Variants in RALGAPA2 observed in about 807,000 individuals in gnomAD.
RALGAPA2 encodes ral GTPase-activating protein subunit alpha-2.
In RALGAPA2, 139 loss-of-function variants were observed where a neutral mutation model predicts 230.4. The observed-to-expected ratio is 0.60, with a 90% confidence interval of 0.53 to 0.69. The LOEUF (loss-of-function observed/expected upper bound fraction) is 0.69. Among genes scored for constraint, RALGAPA2 ranks in the 30% least tolerant of loss-of-function variants. The pLI, the probability that RALGAPA2 is intolerant of heterozygous loss-of-function variation, is 0.00. For missense variants in RALGAPA2, 2,163 were observed against 2,276.0 expected, an observed-to-expected ratio of 0.95 and a Z score of 1.01; for synonymous variants, 847 against 837.8, an observed-to-expected ratio of 1.01 and a Z score of -0.19.
intron 23 of RALGAPA2, among the ~76,000 whole-genome samples, chr20:20,557,235 G>A (rs1210945385): frequency 1.3e-5 from 2 of 152,118 alleles, no homozygotes; most frequent in Non-Finnish European, 2.9e-5. Context: ...CTTGAACCCA[G>A]GAGGCGGAGG....
chr20:20,411,096 G>A (rs1334738449), intron 38 of RALGAPA2, among the ~76,000 whole-genome samples: 1 of 152,144 alleles, frequency 6.6e-6, no homozygotes, highest in Non-Finnish European at 1.5e-5. Flanking sequence ...GTCAGAATAG[G>A]AGAAGTAAGG....
At chr20:20,685,632 G>A (rs1471279882) in intron 1 of RALGAPA2, among the ~76,000 whole-genome samples, 1 of 152,172 alleles carries the variant, frequency 6.6e-6, no homozygotes, top group Non-Finnish European at 1.5e-5. Flanking sequence ...GAATAAATCA[G>A]TCAGGAATAT....
intron 9 of RALGAPA2, among the ~76,000 whole-genome samples, chr20:20,633,122 TTTC>T (rs2066741003): frequency 1.3e-5 from 2 of 151,528 alleles, no homozygotes; most frequent in Non-Finnish European, 2.9e-5. Context: ...TTTCTCTCTC[TTTC>T]TTTTCTTTCT....
intron 7 of RALGAPA2, among the ~76,000 whole-genome samples, chr20:20,638,835 C>A (rs1348716812): frequency 6.6e-6 from 1 of 152,008 alleles, no homozygotes; most frequent in East Asian, 1.9e-4. Context: ...GGAAAGGGGA[C>A]AAAATTGCTA....
intron 23 of RALGAPA2, among the ~76,000 whole-genome samples, chr20:20,550,984 A>G (rs1009344450): frequency 1.3e-5 from 2 of 152,256 alleles, no homozygotes; most frequent in Non-Finnish European, 2.9e-5. Flanking sequence ...GTGGCACACA[A>G]ACAAGCCTCT....
intron 23 of RALGAPA2, among the ~76,000 whole-genome samples, chr20:20,549,132 A>G (rs1300584278): frequency 3.9e-5 from 6 of 152,204 alleles, no homozygotes; most frequent in African/African-American, 1.4e-4. Context: ...AGTTTTAATT[A>G]AAAAATGCTT....
At chr20:20,699,132 C>CGTA (rs11472031) in intron 1 of RALGAPA2, among the ~76,000 whole-genome samples, 12,394 of 152,148 alleles carry the variant, frequency 0.081, 725 homozygotes, top group East Asian at 0.16. Flanking sequence ...GTTAATTACA[C>CGTA]GTTTTTTATG....
intron 8 of RALGAPA2, among the ~76,000 whole-genome samples, chr20:20,636,574 G>T (rs1455982080): frequency 6.6e-6 from 1 of 152,004 alleles, no homozygotes; most frequent in Non-Finnish European, 1.5e-5. Context: ...GTGTGTGTGT[G>T]TGTGTGTGTA....
chr20:20,616,136 G>T lies in RALGAPA2; in HGVS notation c.1595C>A (p.Pro532His). ...IFLLEPCAEV[P>H]VLLKEQVDAC... ...ATCAACTTGTTCTTTCAAGAGCACA[G>T]GAACTTCAGCACATGGTTCCAACAA... The change falls in exon 13 of 40, where the codon CCT (proline) becomes CAT (histidine). Residue 532 changes from proline (P) to histidine (H), a missense_variant. Coordinates refer to ENST00000202677, the MANE Select transcript of RALGAPA2 (RefSeq NM_020343.4). The T allele has an allele frequency of 6.4e-7, 1 of 1,553,608 alleles. No individual in the cohort carries two copies. The highest frequency in any genetic ancestry group is 8.7e-7 in the Non-Finnish European group (1 of 1,149,190).
At chr20:20,482,011 T>C (rs768136400) in intron 36 of RALGAPA2, among the ~76,000 whole-genome samples, 2 of 152,224 alleles carry the variant, frequency 1.3e-5, no homozygotes, top group African/African-American at 4.8e-5. Flanking sequence ...ATGTAAGGTA[T>C]ATTTCTGAGA....
intron 37 of RALGAPA2, among the ~76,000 whole-genome samples, chr20:20,466,008 C>T (rs897714117): frequency 2.6e-5 from 4 of 152,220 alleles, no homozygotes; most frequent in Non-Finnish European, 5.9e-5. Context: ...CACCAAGGAA[C>T]AGGCACTGTT....
intron 1 of RALGAPA2, among the ~76,000 whole-genome samples, chr20:20,710,957 G>T (rs2069834145): frequency 6.6e-6 from 1 of 152,166 alleles, no homozygotes; most frequent in South Asian, 2.1e-4. Flanking sequence ...AATGCAACCT[G>T]TGTATTGTGC....
At chr20:20,586,434 GC>G (rs2065136703) in intron 18 of RALGAPA2, among the ~76,000 whole-genome samples, 2 of 152,276 alleles carry the variant, frequency 1.3e-5, no homozygotes, top group East Asian at 3.9e-4. Flanking sequence ...ATTAAGATCA[GC>G]CAGCTAGGAA....
intron 3 of RALGAPA2, among the ~76,000 whole-genome samples, chr20:20,674,496 A>T (rs952601396): frequency 2.6e-5 from 4 of 152,198 alleles, no homozygotes; most frequent in Non-Finnish European, 5.9e-5. Flanking sequence ...TATCACTTCC[A>T]TTTACCAATG....
chr20:20,692,770 A>G (rs1376148690), intron 1 of RALGAPA2, among the ~76,000 whole-genome samples: 1 of 152,220 alleles, frequency 6.6e-6, no homozygotes, highest in Non-Finnish European at 1.5e-5. Context: ...CCTGAGGACA[A>G]ACCTGCCACA....
chr20:20,612,502 T>C (rs1432912967), intron 13 of RALGAPA2, among the ~76,000 whole-genome samples: 2 of 152,234 alleles, frequency 1.3e-5, no homozygotes, highest in Non-Finnish European at 2.9e-5. Flanking sequence ...TAACAATATA[T>C]GATGCTGAAC....
Position 20,601,862 on chromosome 20 carries a change from A to G in RALGAPA2, c.2039-16T>C, listed in dbSNP as rs773515475. On this transcript the variant is annotated splice_polypyrimidine_tract_variant and intron_variant, in intron 15 of 39. Coordinates refer to ENST00000202677, the MANE Select transcript of RALGAPA2 (RefSeq NM_020343.4). ...AGAACACAGCCTGATAAAGGAAAAG[A>G]AAAATAATCTAAAGGCTGAATTCAT... The G allele has an allele frequency of 1.3e-6, 2 of 1,573,562 alleles. No individual in the cohort carries two copies. The highest frequency in any genetic ancestry group is 1.7e-6 in the Non-Finnish European group (2 of 1,159,190).
intron 26 of RALGAPA2, among the ~76,000 whole-genome samples, chr20:20,535,104 G>A (rs1687510787): frequency 6.6e-6 from 1 of 152,214 alleles, no homozygotes; most frequent in Non-Finnish European, 1.5e-5. Flanking sequence ...AGGCTACAGA[G>A]GGAGCAGAAC....
chr20:20,439,835 C>T (rs2060698250), intron 37 of RALGAPA2, among the ~76,000 whole-genome samples: 1 of 152,234 alleles, frequency 6.6e-6, no homozygotes, highest in African/African-American at 2.4e-5. Context: ...TGTAATTTTA[C>T]TTCTGCACAT....
Sources: gnomAD v4.1 joint callset for allele counts (sites outside exome capture counted in the v4.1 genomes callset) on GRCh38, gnomAD v4.1.1 for gene constraint, MANE v1.5 for transcripts, NCBI Gene and HGNC (gene_info 2026-07-23, HGNC 2026-07-21) for gene names.